Variants in ABHD12 observed in about 807,000 individuals in gnomAD.
The protein encoded by ABHD12 is lysophosphatidylserine lipase ABHD12.
ABHD12 carries 43 observed loss-of-function variants against 58.3 expected under a neutral mutation model. That is an observed-to-expected ratio of 0.74 (90% CI 0.58 to 0.95). The LOEUF is 0.95. ABHD12 is among the 40% of genes least tolerant of loss of function. ABHD12 has a pLI of 0.00. For synonymous variants in ABHD12, 219 were observed against 211.2 expected (o/e 1.04, Z -0.32); for missense variants, 539 against 537.2 (o/e 1.00, Z -0.03).
downstream of ABHD12, chr20:25,296,447 G>A (rs201313860): frequency 2.4e-5 from 39 of 1,614,016 alleles, no homozygotes; most frequent in South Asian, 9.9e-5. Context: ...GGACCATCAC[G>A]GAGTATGCAC....
chr20:25,333,631 T>C (rs2089314566), intron 2 of ABHD12, among the ~76,000 whole-genome samples: 2 of 151,850 alleles, frequency 1.3e-5, no homozygotes, highest in Admixed American at 1.3e-4. Context: ...GTTTCATCCC[T>C]GGGATGCAAG....
Position 25,361,824 on chromosome 20 carries a change from G to A in ABHD12, c.192-22473C>T, listed in dbSNP as rs532490062. Among the ~76,000 whole-genome samples, 30 of 151,212 alleles carry A rather than the reference G, an allele frequency of 2.0e-4. 1 individual carries two copies. The East Asian group carries it at 5.3e-3, about 27-fold the overall frequency. ...CAAAAAAATAGCTGGGCGTGGTGGC[G>A]GGCGCCTGTAGTCCCAGCTACTCGG... On this transcript the variant is annotated intron_variant, in intron 1 of 12. Coordinates refer to ENST00000339157, the MANE Select transcript of ABHD12 (RefSeq NM_001042472.3).
intron 1 of ABHD12, among the ~76,000 whole-genome samples, chr20:25,385,861 G>C (rs1419921110): frequency 1.3e-5 from 2 of 152,048 alleles, no homozygotes; most frequent in Admixed American, 1.3e-4. Flanking sequence ...CACTTTCGGA[G>C]TCCAAGGCAG....
intron 1 of ABHD12, among the ~76,000 whole-genome samples, chr20:25,348,726 G>T (rs2089555097): frequency 1.3e-5 from 2 of 152,082 alleles, no homozygotes; most frequent in African/African-American, 2.4e-5. Flanking sequence ...AGCTATCAAA[G>T]AATTACATCC....
At chr20:25,372,617 G>A (rs192868970) in intron 1 of ABHD12, among the ~76,000 whole-genome samples, 11 of 152,278 alleles carry the variant, frequency 7.2e-5, no homozygotes, top group East Asian at 1.9e-4. Context: ...AATTTTGGAC[G>A]GATAGCTTTT....
At chr20:25,328,345 T>C (rs2482923) in intron 2 of ABHD12, among the ~76,000 whole-genome samples, 93,850 of 151,982 alleles carry the variant, frequency 0.62, 30,555 homozygotes, top group African/African-American at 0.79. Context: ...ATCTGACAGC[T>C]GGGAGCGGGG....
chr20:25,364,788 C>A (rs953002811), intron 1 of ABHD12, among the ~76,000 whole-genome samples: 2 of 152,188 alleles, frequency 1.3e-5, no homozygotes, highest in African/African-American at 4.8e-5. Context: ...TATAAGAATA[C>A]TGACAATATC....
chr20:25,337,210 G>A (rs2089386193), intron 2 of ABHD12, among the ~76,000 whole-genome samples: 1 of 152,218 alleles, frequency 6.6e-6, no homozygotes, highest in Admixed American at 6.5e-5. Context: ...AGGCTGCAGT[G>A]AGCCGTGATC....
At chr20:25,341,950 C>T (rs765205287) in intron 1 of ABHD12, among the ~76,000 whole-genome samples, 27 of 152,184 alleles carry the variant, frequency 1.8e-4, no homozygotes, top group South Asian at 1.5e-3. Flanking sequence ...ACTTACTCAT[C>T]CTTCAGCACC....
intron 4 of ABHD12, 108 bp downstream of exon 4, chr20:25,320,091 T>C: frequency 6.6e-7 from 1 of 1,518,714 alleles, no homozygotes; most frequent in Non-Finnish European, 8.9e-7. Context: ...CCCAATTTTG[T>C]GGGACCGCAG....
intron 11 of ABHD12, 24 bp downstream of exon 11, chr20:25,303,526 C>T (rs2088677821): frequency 6.2e-7 from 1 of 1,612,182 alleles, no homozygotes. Context: ...GCCAGCTACA[C>T]CAGAGGCAGA....
At position 25,329,448 on chromosome 20, in the gene ABHD12, C is replaced by A. The variant is rs2089231721; in HGVS notation, c.317-6018G>T. On this transcript the variant is annotated intron_variant, in intron 2 of 12. Coordinates refer to ENST00000339157, the MANE Select transcript of ABHD12 (RefSeq NM_001042472.3). ...TTTTCACTGTCCACCCCCCAGTTTT[C>A]ATTGTCCACCCTCCAGTCACGTCAT... 2.0e-5 allele frequency among the ~76,000 whole-genome samples: 3 copies of A among 149,150 alleles called. No individual in the cohort carries two copies. In the South Asian group the frequency reaches 6.2e-4, roughly 31 times the overall value.
Position 25,300,301 on chromosome 20 carries a change from T to A in ABHD12, c.*544A>T. ...TAGGTGAAAGGGGAGGAAGTGCAGATCCCGGGCACTTCCACTGTGGGTGAG... is the reference window on the plus strand; with the variant it reads ...TAGGTGAAAGGGGAGGAAGTGCAGAACCCGGGCACTTCCACTGTGGGTGAG... On this transcript the variant is annotated 3_prime_UTR_variant, in exon 13 of 13. Transcript: ENST00000339157. The A allele has an allele frequency of 1.9e-6, 2 of 1,028,638 alleles. No individual in the cohort carries two copies. The highest frequency in any genetic ancestry group is 7.7e-5 in the South Asian group (2 of 26,028). The allele number at this position is 1,028,638 out of a possible 1,614,324, so 63.7% of individuals were successfully genotyped here.
chr20:25,339,123 A>T, intron 2 of ABHD12, 104 bp downstream of exon 2: 1 of 1,536,058 alleles, frequency 6.5e-7, no homozygotes, highest in Admixed American at 1.8e-5. Context: ...ACTGTATGTA[A>T]ACTAAATCTC....
At chr20:25,295,586 T>G, downstream of ABHD12, 1 of 1,612,400 alleles carries the variant, frequency 6.2e-7, no homozygotes. Context: ...TGGCCCAGCC[T>G]CCTTTCTCCC....
chr20:25,349,082 T>TC (rs1201544739), intron 1 of ABHD12, among the ~76,000 whole-genome samples: 6 of 118,286 alleles, frequency 5.1e-5, no homozygotes, highest in African/African-American at 2.2e-4. Flanking sequence ...AGACTCCGTC[T>TC]CAAAAAAAAA....
chr20:25,360,135 A>C (rs184255658), intron 1 of ABHD12, among the ~76,000 whole-genome samples: 12 of 147,712 alleles, frequency 8.1e-5, no homozygotes, highest in African/African-American at 2.2e-4. Flanking sequence ...ATTTTGGTAT[A>C]TAGTGGGACG....
chr20:25,294,890 C>T, exon 13 of ABHD12: 1 of 1,499,658 alleles, frequency 6.7e-7, no homozygotes, highest in Non-Finnish European at 9.3e-7. Context: ...GGGAATTCAC[C>T]TGCCCTCCAC....
At chr20:25,310,483 C>A (rs1413641214) in intron 6 of ABHD12, 1 of 152,338 alleles carries the variant, frequency 6.6e-6, no homozygotes, top group Admixed American at 6.5e-5. Context: ...ATCAGATGAT[C>A]TGAAAGCACC....
Sources: gnomAD v4.1 joint callset for allele counts (sites outside exome capture counted in the v4.1 genomes callset) on GRCh38, gnomAD v4.1.1 for gene constraint, MANE v1.5 for transcripts, NCBI Gene and HGNC (gene_info 2026-07-23, HGNC 2026-07-21) for gene names.